The following SPATA17 variants were observed in gnomAD, a reference collection of about 807,000 sequenced individuals.
SPATA17 encodes spermatogenesis-associated protein 17.
SPATA17 carries 53 observed loss-of-function variants against 62.2 expected under a neutral mutation model. That is an observed-to-expected ratio of 0.85 (90% CI 0.68 to 1.07). The LOEUF is 1.07. Ranked by LOEUF, SPATA17 falls within the 50% of genes least tolerant of loss-of-function variation. The pLI is 0.00. For missense variants in SPATA17, 466 were observed against 425.5 expected (o/e 1.10, Z -0.84); for synonymous variants, 146 against 146.8 (o/e 0.99, Z 0.04).
intron 6 of SPATA17, among the ~76,000 whole-genome samples, chr1:217,756,634 T>C (rs1224913572): frequency 6.6e-6 from 1 of 152,204 alleles, no homozygotes; most frequent in Non-Finnish European, 1.5e-5. Flanking sequence ...TAATACTTTG[T>C]GGGAATTAGT....
chr1:217,736,989 C>G (rs1001169617), intron 5 of SPATA17, among the ~76,000 whole-genome samples: 5 of 152,014 alleles, frequency 3.3e-5, no homozygotes, highest in African/African-American at 1.2e-4. Flanking sequence ...CATTTGCGTG[C>G]TTTGGAAAAC....
At chr1:217,825,330 A>C (rs1674967002) in intron 9 of SPATA17, among the ~76,000 whole-genome samples, 1 of 151,786 alleles carries the variant, frequency 6.6e-6, no homozygotes, top group Admixed American at 6.6e-5. Flanking sequence ...AATATACAGA[A>C]CAAGTAATAT....
At chr1:217,788,415 G>A (rs1231111281) in intron 8 of SPATA17, among the ~76,000 whole-genome samples, 2 of 152,036 alleles carry the variant, frequency 1.3e-5, no homozygotes, top group African/African-American at 2.4e-5. Context: ...CCTAATCCTC[G>A]CAACCTGTGA....
intron 5 of SPATA17, among the ~76,000 whole-genome samples, chr1:217,712,345 C>T (rs887955674): frequency 2.0e-5 from 3 of 151,968 alleles, no homozygotes; most frequent in South Asian, 2.1e-4. Flanking sequence ...AGGCTGGTCT[C>T]GAACTCCCAA....
At chr1:217,658,349 C>G (rs992085530) in intron 3 of SPATA17, among the ~76,000 whole-genome samples, 1 of 152,166 alleles carries the variant, frequency 6.6e-6, no homozygotes, top group Non-Finnish European at 1.5e-5. Context: ...ATGTGACATG[C>G]CTGCTCTCCC....
intron 9 of SPATA17, among the ~76,000 whole-genome samples, chr1:217,840,915 G>T (rs1378702468): frequency 6.6e-6 from 1 of 151,746 alleles, no homozygotes; most frequent in African/African-American, 2.4e-5. Flanking sequence ...CTCTGCTTTA[G>T]AAATTGAGGA....
At chr1:217,679,878 T>A (rs1291576469) in intron 4 of SPATA17, among the ~76,000 whole-genome samples, 2 of 152,330 alleles carry the variant, frequency 1.3e-5, no homozygotes, top group Non-Finnish European at 2.9e-5. Flanking sequence ...TTTCAGTTTT[T>A]TTCTTTAACA....
At chr1:217,674,407 G>A (rs1454487914) in intron 4 of SPATA17, among the ~76,000 whole-genome samples, 1 of 152,186 alleles carries the variant, frequency 6.6e-6, no homozygotes, top group Non-Finnish European at 1.5e-5. Flanking sequence ...TATAGGAGGA[G>A]GTGCCTCATC....
At chr1:217,810,427 G>T (rs751488185) in intron 9 of SPATA17, among the ~76,000 whole-genome samples, 1 of 152,094 alleles carries the variant, frequency 6.6e-6, no homozygotes, top group African/African-American at 2.4e-5. Context: ...TTCGAGACCA[G>T]CCTGGCCAAC....
rs1676113779 is a variant in SPATA17, at chr1:217,870,773, A to T, written c.*3754A>T. ...TTCTTCTGAAATCAAAAGTCACACC[A>T]GCTTTGCTGTAGTTAATCAGGTAAT... On this transcript the variant is annotated 3_prime_UTR_variant, in exon 11 of 11. Coordinates refer to ENST00000366933, the MANE Select transcript of SPATA17 (RefSeq NM_138796.4). 1.3e-5 allele frequency: 2 copies of T among 152,178 alleles called. No individual in the cohort carries two copies. Among genetic ancestry groups the T allele is most frequent in the African/African-American group, 4.8e-5 (2 of 41,442 alleles). The allele number at this position is 152,178 out of a possible 1,614,324, so 9.4% of individuals were successfully genotyped here. A position where few individuals can be genotyped will look rare whatever the true frequency, so the allele number is the denominator to read the frequency against.
intron 5 of SPATA17, among the ~76,000 whole-genome samples, chr1:217,723,435 A>T (rs1558580306): frequency 6.6e-6 from 1 of 152,112 alleles, no homozygotes; most frequent in African/African-American, 2.4e-5. Context: ...ACCCCCAATC[A>T]TCCCACCCAA....
At chr1:217,706,881 T>C (rs1326621618) in intron 5 of SPATA17, among the ~76,000 whole-genome samples, 3 of 151,934 alleles carry the variant, frequency 2.0e-5, no homozygotes, top group Admixed American at 2.0e-4. Flanking sequence ...TCTTTTTTTT[T>C]TTTGAGATGG....
chr1:217,818,048 C>T (rs1674765386), intron 9 of SPATA17, among the ~76,000 whole-genome samples: 1 of 151,762 alleles, frequency 6.6e-6, no homozygotes. Flanking sequence ...GATTAGATTG[C>T]AAGAATTCAC....
Position 217,732,789 on chromosome 1 carries a change from G to A in SPATA17, c.396-9186G>A, listed in dbSNP as rs1672429226. 1.4e-4 allele frequency among the ~76,000 whole-genome samples: 16 copies of A among 111,932 alleles called. 1 individual carries two copies. In the South Asian group the frequency reaches 4.0e-3, roughly 28 times the overall value. 73.4% of individuals were successfully genotyped at this position (111,932 alleles called of 152,430 possible). On this transcript the variant is annotated intron_variant, in intron 5 of 10. Transcript: ENST00000366933. Reference sequence around the variant, plus strand: ...AATATCTGAAAGCATTTGGAGCCCTGAAAATAATGTACCATATAAATATAT... The same window carrying A: ...AATATCTGAAAGCATTTGGAGCCCTAAAAATAATGTACCATATAAATATAT...
intron 5 of SPATA17, among the ~76,000 whole-genome samples, chr1:217,710,831 T>C (rs974771444): frequency 6.6e-6 from 1 of 152,118 alleles, no homozygotes; most frequent in African/African-American, 2.4e-5. Flanking sequence ...TCATCCCCAT[T>C]CTACTTGTCC....
intron 5 of SPATA17, among the ~76,000 whole-genome samples, chr1:217,708,038 T>C (rs1037030598): frequency 1.3e-5 from 2 of 152,164 alleles, no homozygotes; most frequent in African/African-American, 2.4e-5. Context: ...CCAAAATCGC[T>C]GGGACACAGT....
At chr1:217,648,258 C>T (rs1438907531) in intron 1 of SPATA17, among the ~76,000 whole-genome samples, 2 of 152,164 alleles carry the variant, frequency 1.3e-5, no homozygotes, top group African/African-American at 4.8e-5. Context: ...ACTTAATCTA[C>T]ACTTTATGTA....
rs60995280 is a variant in SPATA17 at position 217,696,448 on chromosome 1, G to A, written c.395+13087G>A. Among the ~76,000 whole-genome samples, 13 of 152,260 alleles carry A rather than the reference G, an allele frequency of 8.5e-5. No homozygotes were observed. In the South Asian group the frequency reaches 1.2e-3, roughly 15 times the overall value. ...TCAGATGGAAATGCAGAAATCACCC[G>A]TCTTCTGCGTCGCTCCGCTCACGCT... is the stretch of plus-strand genomic sequence containing the variant. On this transcript the variant is annotated intron_variant, in intron 5 of 10. Coordinates refer to ENST00000366933, the MANE Select transcript of SPATA17 (RefSeq NM_138796.4).
chr1:217,723,838 G>A (rs540970933), intron 5 of SPATA17, among the ~76,000 whole-genome samples: 97 of 152,310 alleles, frequency 6.4e-4, no homozygotes, highest in African/African-American at 2.2e-3. Context: ...TGCATAACAG[G>A]AGTTAGATAG....
Sources: allele counts gnomAD v4.1 joint callset (sites outside exome capture counted in the v4.1 genomes callset), GRCh38; gene constraint gnomAD v4.1.1; transcripts MANE v1.5; gene names NCBI Gene and HGNC (gene_info 2026-07-23, HGNC 2026-07-21).